CSMD1: variants seen among roughly 807,000 people sequenced by gnomAD.
CSMD1 encodes the protein CUB and sushi domain-containing protein 1.
CSMD1 carries 213 observed loss-of-function variants against 417.5 expected under a neutral mutation model. The observed-to-expected ratio is 0.51, with a 90% CI of 0.46 to 0.57. The LOEUF (loss-of-function observed/expected upper bound fraction) is 0.57. Among genes scored for constraint, CSMD1 ranks in the 20% least tolerant of loss-of-function variants. The pLI is 0.00. For missense variants in CSMD1, 6,923 were observed against 4,529.7 expected (o/e 1.53, Z -15.17); for synonymous variants, 2,862 against 1,736.8 (o/e 1.65, Z -16.11).
chr8:3,569,026 T>C (rs557790044), intron 10 of CSMD1, among the ~76,000 whole-genome samples: 17 of 152,164 alleles, frequency 1.1e-4, no homozygotes, highest in Admixed American at 5.9e-4. Flanking sequence ...AATAGCTGGA[T>C]TGTCAAATGT....
intron 3 of CSMD1, among the ~76,000 whole-genome samples, chr8:4,161,928 T>A (rs188417418): frequency 6.6e-6 from 1 of 152,222 alleles, no homozygotes; most frequent in Non-Finnish European, 1.5e-5. Flanking sequence ...CCCTTTCGTT[T>A]AAATATTCAG....
At chr8:4,733,357 C>G (rs1810023484) in intron 1 of CSMD1, among the ~76,000 whole-genome samples, 2 of 152,286 alleles carry the variant, frequency 1.3e-5, no homozygotes, top group East Asian at 1.9e-4. Context: ...CTAACAAGAG[C>G]CTTTTACCCT....
At chr8:3,300,190 T>G (rs1274027661) in intron 25 of CSMD1, among the ~76,000 whole-genome samples, 1 of 152,108 alleles carries the variant, frequency 6.6e-6, no homozygotes, top group East Asian at 1.9e-4. Context: ...GTTTATTAAC[T>G]CAAAATAAAT....
chr8:4,202,967 G>A (rs559237187), intron 3 of CSMD1, among the ~76,000 whole-genome samples: 10 of 152,104 alleles, frequency 6.6e-5, no homozygotes, highest in East Asian at 1.9e-4. Context: ...GGAGGAGAAC[G>A]ATTACCTCCA....
intron 1 of CSMD1, among the ~76,000 whole-genome samples, chr8:4,663,834 C>G (rs575343145): frequency 6.6e-6 from 1 of 152,154 alleles, no homozygotes; most frequent in Non-Finnish European, 1.5e-5. Context: ...AATCCAGGAT[C>G]GTCAGACACT....
intron 3 of CSMD1, among the ~76,000 whole-genome samples, chr8:4,061,974 C>G (rs927807130): frequency 6.6e-6 from 1 of 152,012 alleles, no homozygotes; most frequent in Non-Finnish European, 1.5e-5. Flanking sequence ...CAGGGGATGC[C>G]AAACCCCCTG....
rs142947679 is a variant in CSMD1, at chr8:3,087,729, T to C, written c.7286-444A>G. Among the ~76,000 whole-genome samples the C allele has an allele frequency of 1.1e-3, 169 of 152,358 alleles. 2 individuals are homozygous for C. In the East Asian group the frequency reaches 0.028, roughly 25 times the overall value. ...GGCAGCATTCAAAGTCATCCTGCGC[T>C]GTATGCAGCCCACAGGCTGCAGGTT... On this transcript the variant is annotated intron_variant, in intron 48 of 69. Coordinates refer to ENST00000635120, the MANE Select transcript of CSMD1 (RefSeq NM_033225.6).
At chr8:4,143,703 A>C (rs191136730) in intron 3 of CSMD1, among the ~76,000 whole-genome samples, 18 of 151,178 alleles carry the variant, frequency 1.2e-4, no homozygotes, top group Non-Finnish European at 2.1e-4. Context: ...AGATACACAA[A>C]GTAACAAAGG....
rs149492704 is a variant in CSMD1 at position 3,871,977 on chromosome 8, A to T, written c.819-117935T>A. Among the ~76,000 whole-genome samples the T allele has an allele frequency of 2.1e-3, 320 of 152,316 alleles. 2 individuals carry two copies. Among genetic ancestry groups the T allele is most frequent in the African/African-American group, 7.5e-3 (311 of 41,570 alleles). ...TGCCATTTTCTATTTGTGAGCTACA[A>T]ACCTGCACTATTTCCTATGCAATGG... On this transcript the variant is annotated intron_variant, in intron 5 of 69. Coordinates refer to ENST00000635120, the MANE Select transcript of CSMD1 (RefSeq NM_033225.6).
chr8:3,526,117 C>T (rs746342142), intron 10 of CSMD1, among the ~76,000 whole-genome samples: 6 of 152,124 alleles, frequency 3.9e-5, no homozygotes, highest in Non-Finnish European at 8.8e-5. Flanking sequence ...AAACAGTCTA[C>T]ATTCTGTTTA....
intron 5 of CSMD1, among the ~76,000 whole-genome samples, chr8:3,939,821 C>T (rs183844672): frequency 4.8e-4 from 73 of 151,996 alleles, no homozygotes; most frequent in African/African-American, 1.6e-3. Flanking sequence ...TATGAGGATG[C>T]GAAGGCATAA....
chr8:4,920,038 T>G (rs141181472), intron 1 of CSMD1, among the ~76,000 whole-genome samples: 1 of 152,294 alleles, frequency 6.6e-6, no homozygotes, highest in East Asian at 1.9e-4. Flanking sequence ...TTTGCTGCAG[T>G]AGCACAAAAG....
At chr8:3,034,370 A>C (rs1326232521) in intron 50 of CSMD1, among the ~76,000 whole-genome samples, 1 of 152,208 alleles carries the variant, frequency 6.6e-6, no homozygotes, top group Non-Finnish European at 1.5e-5. Flanking sequence ...GTGGCCTGAT[A>C]GGCACAGACA....
chr8:4,131,236 G>A (rs539748052), intron 3 of CSMD1, among the ~76,000 whole-genome samples: 4 of 152,334 alleles, frequency 2.6e-5, no homozygotes, highest in Non-Finnish European at 4.4e-5. Flanking sequence ...GGCATGTGGT[G>A]TGGCTGAGTA....
intron 3 of CSMD1, among the ~76,000 whole-genome samples, chr8:4,160,123 T>C (rs1030526686): frequency 4.0e-5 from 6 of 151,388 alleles, no homozygotes; most frequent in African/African-American, 1.2e-4. Flanking sequence ...CATTAAAAAA[T>C]AACGTCTTAA....
intron 6 of CSMD1, among the ~76,000 whole-genome samples, chr8:3,745,906 C>G (rs1055074535): frequency 6.6e-6 from 1 of 152,130 alleles, no homozygotes; most frequent in Non-Finnish European, 1.5e-5. Context: ...TACAGCAGCT[C>G]GCCAACCTGG....
chr8:3,885,750 A>G (rs2129124006), intron 5 of CSMD1, among the ~76,000 whole-genome samples: 1 of 152,252 alleles, frequency 6.6e-6, no homozygotes, highest in East Asian at 1.9e-4. Flanking sequence ...TCTCCATCTC[A>G]CAAACAAACT....
chr8:4,909,652 G>A (rs1563739083), intron 1 of CSMD1, among the ~76,000 whole-genome samples: 1 of 152,016 alleles, frequency 6.6e-6, no homozygotes, highest in African/African-American at 2.4e-5. Flanking sequence ...GAGTGTAGGG[G>A]CCTCCTAAGA....
At chr8:3,060,932 T>C (rs540575583) in intron 49 of CSMD1, among the ~76,000 whole-genome samples, 18 of 152,210 alleles carry the variant, frequency 1.2e-4, no homozygotes, top group Non-Finnish European at 2.4e-4. Flanking sequence ...TGCTGTGAAG[T>C]GTCTGTCAAT....
Sources: gnomAD v4.1 joint callset for allele counts (sites outside exome capture counted in the v4.1 genomes callset) on GRCh38, gnomAD v4.1.1 for gene constraint, MANE v1.5 for transcripts, NCBI Gene and HGNC (gene_info 2026-07-23, HGNC 2026-07-21) for gene names.